LAMA2: variants seen among roughly 807,000 people sequenced by gnomAD.
LAMA2 encodes laminin subunit alpha 2.
In LAMA2, 269 loss-of-function variants were observed where a neutral mutation model predicts 364.8. That is an observed-to-expected ratio of 0.74 (90% CI 0.67 to 0.82). LAMA2 has a LOEUF of 0.82. LAMA2 is among the 40% of genes least tolerant of loss of function. The probability of loss-of-function intolerance (pLI) is 0.00; values close to 1 mark genes in which losing one functional copy is unlikely to be tolerated. For synonymous variants in LAMA2, 1,379 were observed against 1,370.6 expected, an observed-to-expected ratio of 1.01 and a Z score of -0.14; for missense variants, 3,807 against 3,873.2, an observed-to-expected ratio of 0.98 and a Z score of 0.45.
At chr6:129,462,459 C>A (rs779399616) in intron 49 of LAMA2, among the ~76,000 whole-genome samples, 14 of 152,072 alleles carry the variant, frequency 9.2e-5, no homozygotes, top group Non-Finnish European at 1.9e-4. Context: ...ATTTTTGCCC[C>A]ATCGCTAACA....
chr6:129,199,452 A>C (rs1299353308), intron 12 of LAMA2, among the ~76,000 whole-genome samples: 1 of 152,194 alleles, frequency 6.6e-6, no homozygotes, highest in Admixed American at 6.5e-5. Context: ...AATTCTCACT[A>C]TAACGACTCC....
At chr6:128,923,079 G>T (rs1331487548) in intron 1 of LAMA2, among the ~76,000 whole-genome samples, 27 of 145,646 alleles carry the variant, frequency 1.9e-4, no homozygotes, top group South Asian at 2.3e-4. Context: ...TCTCTGTTTT[G>T]GTACCAGTAC....
intron 15 of LAMA2, among the ~76,000 whole-genome samples, chr6:129,266,819 A>G (rs1336182597): frequency 6.6e-6 from 1 of 152,000 alleles, no homozygotes; most frequent in Non-Finnish European, 1.5e-5. Context: ...TGAGACTGTC[A>G]CATTTCAATT....
intron 1 of LAMA2, among the ~76,000 whole-genome samples, chr6:128,902,735 T>A (rs780261631): frequency 6.6e-6 from 1 of 152,124 alleles, no homozygotes; most frequent in Non-Finnish European, 1.5e-5. Flanking sequence ...CTTTGCCCAC[T>A]GCAGCCTTGA....
intron 1 of LAMA2, among the ~76,000 whole-genome samples, chr6:129,020,978 A>G (rs537867516): frequency 2.0e-5 from 3 of 152,200 alleles, no homozygotes; most frequent in Non-Finnish European, 2.9e-5. Context: ...AGTTTGCATT[A>G]CTTTTGTCAG....
In LAMA2 at chr6:129,514,567, T is replaced by A; in HGVS notation, c.9183T>A (p.Asn3061Lys). 6.2e-7 allele frequency: 1 copy of A among 1,614,086 alleles called. No individual in the cohort carries two copies. The highest frequency in any genetic ancestry group is 8.5e-7 in the Non-Finnish European group (1 of 1,179,996). ...PNPASTSADTNDPVFVGGFPD... is the reference protein window; with the variant it reads ...PNPASTSADTKDPVFVGGFPD... ...CAGCATCTACATCAGCTGACACAAA[T>A]GACCCTGTGTTTGTTGGAGGCTTCC... The change falls in exon 64 of 65, where the codon AAT becomes AAA. Residue 3061 changes from asparagine (N) to lysine (K), a missense_variant. Asn to Lys is a moderately conservative substitution (Grantham distance 94, BLOSUM62 0). Around this residue, in one of 3 missense-constraint regions of LAMA2, gnomAD observed 3,333 missense variants for 3,345.7 expected, o/e 1.00. Coordinates refer to ENST00000421865, the MANE Select transcript of LAMA2 (RefSeq NM_000426.4).
chr6:129,184,696 C>T (rs1171922425), intron 10 of LAMA2, among the ~76,000 whole-genome samples: 1 of 151,782 alleles, frequency 6.6e-6, no homozygotes, highest in Non-Finnish European at 1.5e-5. Flanking sequence ...CTACCCTTTT[C>T]CTTGGCACTG....
chr6:129,462,802 A>T (rs181895798), intron 49 of LAMA2, among the ~76,000 whole-genome samples: 1 of 152,128 alleles, frequency 6.6e-6, no homozygotes, highest in Non-Finnish European at 1.5e-5. Context: ...TCACATTTGA[A>T]CATAAAGAGC....
At chr6:128,906,917 C>G (rs1451113209) in intron 1 of LAMA2, among the ~76,000 whole-genome samples, 7 of 151,406 alleles carry the variant, frequency 4.6e-5, no homozygotes, top group East Asian at 1.9e-4. Flanking sequence ...GCTTGTTTTT[C>G]TCAGGTTTGT....
chr6:128,984,348 G>T (rs918021577), intron 1 of LAMA2, among the ~76,000 whole-genome samples: 21 of 152,030 alleles, frequency 1.4e-4, no homozygotes, highest in African/African-American at 4.6e-4. Context: ...CTCTTCTGAG[G>T]CCTCCTCATT....
At chr6:129,318,410 C>T (rs1774749371) in intron 27 of LAMA2, among the ~76,000 whole-genome samples, 2 of 151,354 alleles carry the variant, frequency 1.3e-5, no homozygotes, top group Admixed American at 6.6e-5. Context: ...CTCTCTAATC[C>T]CCTGAAAAAA....
intron 12 of LAMA2, among the ~76,000 whole-genome samples, chr6:129,236,741 A>T (rs74381299): frequency 0.052 from 7,858 of 152,180 alleles, 281 homozygotes; most frequent in Non-Finnish European, 0.068. Flanking sequence ...ATGCACACTC[A>T]CACACATATA....
chr6:128,907,877 C>T (rs1405807530), intron 1 of LAMA2, among the ~76,000 whole-genome samples: 3 of 152,150 alleles, frequency 2.0e-5, no homozygotes, highest in Non-Finnish European at 4.4e-5. Flanking sequence ...GCCTTTTCTG[C>T]ATCTATTGAG....
At chr6:129,331,564 G>T (rs1161155843) in intron 29 of LAMA2, among the ~76,000 whole-genome samples, 1 of 151,964 alleles carries the variant, frequency 6.6e-6, no homozygotes, top group Non-Finnish European at 1.5e-5. Flanking sequence ...TTCCAGAAAA[G>T]ATCACATCTT....
At chr6:129,180,757 T>G (rs1371745467) in intron 10 of LAMA2, among the ~76,000 whole-genome samples, 3 of 152,122 alleles carry the variant, frequency 2.0e-5, no homozygotes, top group Admixed American at 2.0e-4. Flanking sequence ...AAAGGGAAAT[T>G]CCTAGATGTC....
chr6:129,516,468 C>G lies in LAMA2; in HGVS notation c.*121C>G. On this transcript the variant is annotated 3_prime_UTR_variant, in exon 65 of 65. Coordinates refer to ENST00000421865, the MANE Select transcript of LAMA2 (RefSeq NM_000426.4). ...TTTGTGCATGTACATAGAATTCTTT[C>G]TGTATTCAGATGGTGCTAATTCAGA... 1.0e-6 allele frequency: 1 copy of G among 992,596 alleles called. No homozygotes were observed. The highest frequency in any genetic ancestry group is 1.6e-6 in the Non-Finnish European group (1 of 643,522). The allele number at this position is 992,596 out of a possible 1,614,324, so 61.5% of individuals were successfully genotyped here.
chr6:129,167,028 T>G (rs940720765), intron 9 of LAMA2, among the ~76,000 whole-genome samples: 18 of 152,182 alleles, frequency 1.2e-4, no homozygotes, highest in Non-Finnish European at 4.4e-5. Flanking sequence ...ACTTTTCAAT[T>G]ATTGTAAAAA....
rs113097046 is a variant in LAMA2, at chr6:129,502,487, G to T, written c.8245-172G>T. ...GTGATATGAGAAAACTGATTCACACGCACTGAGCACTCAATAATAAGTACT... is the reference window on the plus strand; with the variant it reads ...GTGATATGAGAAAACTGATTCACACTCACTGAGCACTCAATAATAAGTACT... On this transcript the variant is annotated intron_variant, in intron 58 of 64. Coordinates refer to ENST00000421865, the MANE Select transcript of LAMA2 (RefSeq NM_000426.4). Among the ~76,000 whole-genome samples, 1,274 of 152,244 alleles carry T rather than the reference G, an allele frequency of 8.4e-3. 10 individuals are homozygous for T. Among genetic ancestry groups the T allele is most frequent in the Non-Finnish European group, 0.014 (942 of 68,022 alleles).
intron 4 of LAMA2, among the ~76,000 whole-genome samples, chr6:129,109,873 T>C (rs935776177): frequency 1.3e-5 from 2 of 152,088 alleles, no homozygotes; most frequent in Admixed American, 1.3e-4. Flanking sequence ...ATTGACATCA[T>C]TGATCCCATT....
Sources: gnomAD v4.1 joint callset for allele counts (sites outside exome capture counted in the v4.1 genomes callset) on GRCh38, gnomAD v4.1.1 for gene constraint, gnomAD v4.1.1 regional missense constraint, MANE v1.5 for transcripts, NCBI Gene and HGNC (gene_info 2026-07-23, HGNC 2026-07-21) for gene names.